Variants in PCDH15 observed in about 807,000 individuals in gnomAD.
PCDH15 encodes the protein protocadherin related 15, also known as protocadherin-15.
A neutral mutation model predicts 178.5 loss-of-function variants in PCDH15; 129 were observed. That is an observed-to-expected ratio of 0.72 (90% CI 0.63 to 0.84). The LOEUF (loss-of-function observed/expected upper bound fraction) is 0.84, where lower values mean the gene tolerates loss of function less well. Among genes scored for constraint, PCDH15 ranks in the 40% least tolerant of loss-of-function variants. The pLI is 0.00. For synonymous variants in PCDH15, 800 were observed against 732.0 expected (o/e 1.09, Z -1.50); for missense variants, 2,230 against 2,099.9 (o/e 1.06, Z -1.21).
intron 2 of PCDH15, among the ~76,000 whole-genome samples, chr10:54,650,610 T>C (rs759094088): frequency 1.3e-5 from 2 of 152,114 alleles, no homozygotes; most frequent in Non-Finnish European, 2.9e-5. Context: ...AAGACATACC[T>C]GAGACTAGGT....
intron 1 of PCDH15, among the ~76,000 whole-genome samples, chr10:54,798,667 T>C (rs2133679029): frequency 6.6e-6 from 1 of 152,206 alleles, no homozygotes; most frequent in African/African-American, 2.4e-5. Flanking sequence ...ATAATAAATA[T>C]GATCATTTTA....
chr10:54,427,746 G>A (rs1179142583), intron 3 of PCDH15, among the ~76,000 whole-genome samples: 1 of 152,180 alleles, frequency 6.6e-6, no homozygotes, highest in East Asian at 1.9e-4. Context: ...AAAAATTTCA[G>A]TAGACCAACT....
At chr10:55,275,798 T>A (rs896038457) in intron 1 of PCDH15, among the ~76,000 whole-genome samples, 1 of 151,478 alleles carries the variant, frequency 6.6e-6, no homozygotes, top group East Asian at 1.9e-4. Flanking sequence ...CCATGAAAAG[T>A]CTTTTGGGAT....
At chr10:55,552,582 TAGTTA>T (rs1842022314) in intron 2 of PCDH15, among the ~76,000 whole-genome samples, 1 of 151,424 alleles carries the variant, frequency 6.6e-6, no homozygotes, top group South Asian at 2.1e-4. Flanking sequence ...TTAGAACAAG[TAGTTA>T]ATTAGCACTT....
At chr10:54,722,895 T>C (rs1299693159) in intron 1 of PCDH15, among the ~76,000 whole-genome samples, 3 of 151,624 alleles carry the variant, frequency 2.0e-5, no homozygotes, top group South Asian at 2.1e-4. Context: ...AAATTATACA[T>C]GACAAAAACA....
At chr10:55,375,033 G>A (rs946682826) in intron 2 of PCDH15, among the ~76,000 whole-genome samples, 1 of 152,130 alleles carries the variant, frequency 6.6e-6, no homozygotes, top group Non-Finnish European at 1.5e-5. Context: ...TCCAGAGTTT[G>A]TTACACAGCT....
chr10:54,014,117 A>T (rs1180350221), intron 20 of PCDH15, among the ~76,000 whole-genome samples: 1 of 152,128 alleles, frequency 6.6e-6, no homozygotes, highest in East Asian at 1.9e-4. Context: ...AATATAAAAG[A>T]ACACTCAGAG....
intron 2 of PCDH15, among the ~76,000 whole-genome samples, chr10:55,099,002 G>A (rs912336483): frequency 1.3e-5 from 2 of 151,118 alleles, no homozygotes; most frequent in African/African-American, 4.9e-5. Context: ...TGTGTGTTGC[G>A]TGTCCTTAAT....
chr10:55,160,048 T>G (rs1452982680), intron 2 of PCDH15, among the ~76,000 whole-genome samples: 3 of 150,274 alleles, frequency 2.0e-5, no homozygotes, highest in Non-Finnish European at 4.5e-5. Flanking sequence ...AATTCCCCCA[T>G]GAAAGAGAAT....
intron 13 of PCDH15, among the ~76,000 whole-genome samples, chr10:54,168,889 A>G (rs949088459): frequency 1.9e-4 from 29 of 152,022 alleles, no homozygotes; most frequent in Non-Finnish European, 3.4e-4. Flanking sequence ...CAAGGTGTAC[A>G]ATAATAGAAA....
In PCDH15 at chr10:54,553,774, T is replaced by C. The variant is rs549574755; in HGVS notation, c.92-25897A>G. Among the ~76,000 whole-genome samples, 7 of 152,266 alleles carry C rather than the reference T, an allele frequency of 4.6e-5. No homozygotes were observed. In the South Asian group the frequency reaches 1.5e-3, roughly 32 times the overall value. ...TAAAATCTCCCATTAAAAAAGTTTATGTTATCCAAGAACCTCAGATTATCG... is the reference window on the plus strand; with the variant it reads ...TAAAATCTCCCATTAAAAAAGTTTACGTTATCCAAGAACCTCAGATTATCG... On this transcript the variant is annotated intron_variant, in intron 2 of 37. Transcript: ENST00000644397.
intron 3 of PCDH15, among the ~76,000 whole-genome samples, chr10:54,871,245 G>GA (rs905844966): frequency 3.3e-5 from 5 of 151,996 alleles, no homozygotes; most frequent in Non-Finnish European, 5.9e-5. Flanking sequence ...TGACAATAAG[G>GA]AAAAAACTGC....
intron 3 of PCDH15, among the ~76,000 whole-genome samples, chr10:54,824,326 T>C (rs1953092686): frequency 6.6e-6 from 1 of 152,144 alleles, no homozygotes; most frequent in African/African-American, 2.4e-5. Context: ...AAGTCCTTGT[T>C]TGACCCAAGT....
chr10:55,250,203 G>C (rs1841797577), intron 1 of PCDH15, among the ~76,000 whole-genome samples: 1 of 152,042 alleles, frequency 6.6e-6, no homozygotes, highest in African/African-American at 2.4e-5. Flanking sequence ...GAGTGCAGTG[G>C]TGCAATCACA....
chr10:54,631,383 T>C (rs1785804923), intron 2 of PCDH15, among the ~76,000 whole-genome samples: 1 of 152,136 alleles, frequency 6.6e-6, no homozygotes, highest in African/African-American at 2.4e-5. Context: ...AGGTATTTAT[T>C]TATAGTAATA....
intron 2 of PCDH15, among the ~76,000 whole-genome samples, chr10:55,341,790 TATATATATATATATA>T (rs1268315478): frequency 0.01 from 123 of 12,218 alleles, no homozygotes; most frequent in African/African-American, 0.014. Flanking sequence ...TATATATATA[TATATATATATATATA>T]TTTTTTTTTT....
At chr10:54,220,642 G>A (rs1468918217) in intron 9 of PCDH15, among the ~76,000 whole-genome samples, 9 of 151,978 alleles carry the variant, frequency 5.9e-5, no homozygotes, top group Admixed American at 1.3e-4. Context: ...TGGCTAACAC[G>A]GTGAAACCCC....
At chr10:53,839,067 G>A (rs891727643) in intron 29 of PCDH15, among the ~76,000 whole-genome samples, 3 of 151,886 alleles carry the variant, frequency 2.0e-5, no homozygotes, top group Non-Finnish European at 2.9e-5. Context: ...AGCTGGGCGT[G>A]GTGGCGGGCG....
chr10:54,430,406 T>A (rs971098828), intron 3 of PCDH15, among the ~76,000 whole-genome samples: 9 of 152,140 alleles, frequency 5.9e-5, no homozygotes, highest in African/African-American at 1.9e-4. Flanking sequence ...GGATAGAACA[T>A]GTGTTAGATC....
Sources: gnomAD v4.1 joint callset for allele counts (sites outside exome capture counted in the v4.1 genomes callset) on GRCh38, gnomAD v4.1.1 for gene constraint, MANE v1.5 for transcripts, NCBI Gene and HGNC (gene_info 2026-07-23, HGNC 2026-07-21) for gene names.